Variants in CUL4A observed in about 807,000 individuals in gnomAD.
CUL4A encodes the protein cullin 4A, also known as cullin-4A.
A neutral mutation model predicts 95.5 loss-of-function variants in CUL4A; 16 were observed. That is an observed-to-expected ratio of 0.17 (90% CI 0.11 to 0.25). CUL4A has a LOEUF of 0.25. Among genes scored for constraint, CUL4A ranks in the 10% least tolerant of loss-of-function variants. The pLI is 1.00. For synonymous variants in CUL4A, 380 were observed against 353.1 expected, an observed-to-expected ratio of 1.08 and a Z score of -0.85; for missense variants, 610 against 937.0, an observed-to-expected ratio of 0.65 and a Z score of 4.56.
chr13:113,219,169 C>T, intron 3 of CUL4A, 121 bp downstream of exon 3: 1 of 556,324 alleles, frequency 1.8e-6, no homozygotes, highest in Non-Finnish European at 3.0e-6. Flanking sequence ...TTAAAGTTCT[C>T]TTTTATTTGA....
At chr13:113,234,624 G>C (rs1350738199) in intron 7 of CUL4A, among the ~76,000 whole-genome samples, 1 of 152,160 alleles carries the variant, frequency 6.6e-6, no homozygotes, top group Admixed American at 6.5e-5. Flanking sequence ...GTACTTTGAG[G>C]TCTCCTGCAA....
intron 19 of CUL4A, among the ~76,000 whole-genome samples, chr13:113,261,533 C>T (rs1481219141): frequency 6.6e-6 from 1 of 152,202 alleles, no homozygotes; most frequent in Non-Finnish European, 1.5e-5. Context: ...GAGGTGCCGT[C>T]CTCAGGGCCC....
At chr13:113,208,653 A>G, upstream of CUL4A, 1 of 1,604,206 alleles carries the variant, frequency 6.2e-7, no homozygotes, top group African/African-American at 1.3e-5. Context: ...CGCCGAACGG[A>G]GAGCGCCACC....
rs115408998 is a variant in CUL4A, at chr13:113,214,662, G to A, written c.265-4283G>A. Among the ~76,000 whole-genome samples, 737 of 152,300 alleles carry A rather than the reference G, an allele frequency of 4.8e-3. 7 individuals are homozygous for A. Among genetic ancestry groups the A allele is most frequent in the African/African-American group, 0.017 (699 of 41,584 alleles). On this transcript the variant is annotated intron_variant, in intron 2 of 19. Coordinates refer to ENST00000375440, the MANE Select transcript of CUL4A (RefSeq NM_001008895.4). ...GCCATTGCACCCGGCTGACATGCAAGTTCTGAGGAAAGCCAGGCTGTCTTT... is the reference window on the plus strand; with the variant it reads ...GCCATTGCACCCGGCTGACATGCAAATTCTGAGGAAAGCCAGGCTGTCTTT...
intron 2 of CUL4A, among the ~76,000 whole-genome samples, chr13:113,218,414 G>A (rs1304078488): frequency 6.6e-6 from 1 of 152,178 alleles, no homozygotes; most frequent in Non-Finnish European, 1.5e-5. Flanking sequence ...CACTGCCCTG[G>A]GGAGTGTGAG....
rs951070829 is a variant in CUL4A, at chr13:113,256,926, G to GTTTTTTTTTTTTTTTTTTT, written c.2031+1806_2031+1824dup. 1.7e-4 allele frequency among the ~76,000 whole-genome samples: 8 copies of GTTTTTTTTTTTTTTTTTTT among 47,374 alleles called. 1 individual carries two copies. The highest frequency in any genetic ancestry group is 2.7e-4 in the African/African-American group (3 of 11,166). The allele number at this position is 47,374 out of a possible 152,430, so 31.1% of individuals were successfully genotyped here. A position where few individuals can be genotyped will look rare whatever the true frequency, so the allele number is the denominator to read the frequency against. ...AATGCTTTGTCCCTTTTTTTTTTTC[G>GTTTTTTTTTTTTTTTTTTT]TTTTTTTTTTTTTTTTTTTTTTTGC... On this transcript the variant is annotated intron_variant, in intron 18 of 19. Coordinates refer to ENST00000375440, the MANE Select transcript of CUL4A (RefSeq NM_001008895.4).
upstream of CUL4A, chr13:113,208,636 G>T (rs1566999117): frequency 6.2e-7 from 1 of 1,607,446 alleles, no homozygotes; most frequent in Admixed American, 1.7e-5. Flanking sequence ...GTGCGCCATG[G>T]GAGCGCCGCC....
At chr13:113,259,760 G>A (rs1184697057) in intron 18 of CUL4A, among the ~76,000 whole-genome samples, 3 of 152,112 alleles carry the variant, frequency 2.0e-5, no homozygotes, top group African/African-American at 7.2e-5. Context: ...TAGAGTTGTT[G>A]CAGCTTTCTT....
At position 113,245,172 on chromosome 13, in the gene CUL4A, A is replaced by G. The variant is rs1244999605; in HGVS notation, c.1465A>G (p.Ser489Gly). The G allele has an allele frequency of 1.9e-6, 3 of 1,614,056 alleles. No homozygotes were observed. Among genetic ancestry groups the G allele is most frequent in the East Asian group, 2.2e-5 (1 of 44,892 alleles). ...TCCAGAGTGCGGTGCAGCCTTCACCAGCAAGCTGGAAGGCATGTTCAAGGA... is the reference window on the plus strand; with the variant it reads ...TCCAGAGTGCGGTGCAGCCTTCACCGGCAAGCTGGAAGGCATGTTCAAGGA... ...LKHECGAAFTSKLEGMFKDME... is the reference protein window; with the variant it reads ...LKHECGAAFTGKLEGMFKDME... Residue 489 changes from serine (S) to glycine (G), a missense_variant, in exon 14 of 20, where the codon AGC (serine) becomes GGC (glycine). Physicochemically the swap from Ser to Gly is moderately conservative, Grantham distance 56. Transcript: ENST00000375440.
chr13:113,260,206 A>AAAAAAAAAAAAAAAAAAAAAAAAC, intron 18 of CUL4A, among the ~76,000 whole-genome samples: 1 of 100,314 alleles, frequency 1.0e-5, no homozygotes, highest in African/African-American at 5.3e-5. Context: ...TCCGTCTCAA[A>AAAAAAAAAAAAAAAAAAAAAAAAC]AAAAAAAAAA....
chr13:113,228,188 G>A (rs2041176603), intron 4 of CUL4A, 143 bp downstream of exon 4: 2 of 666,828 alleles, frequency 3.0e-6, no homozygotes, highest in East Asian at 2.8e-5. Flanking sequence ...AGAAAAGCAG[G>A]GAAGGTGAAC....
Position 113,233,937 on chromosome 13 carries a change from C to T in CUL4A, c.716C>T (p.Thr239Ile). ...TTTGAACTGAAATTTTTGGAAGAGA[C>T]TAATTGCTTATATGCTGCCGAAGGC... ...DSFELKFLEE[T>I]NCLYAAEGQR... The change falls in exon 7 of 20, where the codon ACT becomes ATT. Residue 239 changes from threonine to isoleucine, a missense_variant. By Grantham distance (89) the Thr-to-Ile change is moderately conservative. This residue lies in a region of CUL4A where 97 missense variants were observed against 100.3 expected (regional missense o/e 0.97). Transcript: ENST00000375440. 6.2e-7 allele frequency: 1 copy of T among 1,611,686 alleles called. No individual in the cohort carries two copies. The highest frequency in any genetic ancestry group is 1.1e-5 in the South Asian group (1 of 90,968).
In CUL4A at chr13:113,239,467, G is replaced by A. The variant is rs367759224; in HGVS notation, c.951G>A (p.Pro317=). The change falls in exon 10 of 20, where the codon CCG becomes CCA. Residue 317 remains proline, a synonymous_variant. Coordinates refer to ENST00000375440, the MANE Select transcript of CUL4A (RefSeq NM_001008895.4). ...LDHLLDENRV[P]DLAQMYQLFS... ...ACTTACTGGATGAGAACAGAGTGCCGGACCTCGCACAGATGTACCAGCTGT... is the reference window on the plus strand; with the variant it reads ...ACTTACTGGATGAGAACAGAGTGCCAGACCTCGCACAGATGTACCAGCTGT... 78 of 1,613,816 alleles carry A rather than the reference G, an allele frequency of 4.8e-5. 1 individual carries two copies. The East Asian group carries it at 9.1e-4, about 19-fold the overall frequency.
intron 3 of CUL4A, among the ~76,000 whole-genome samples, chr13:113,224,831 G>A (rs1347533784): frequency 6.6e-6 from 1 of 152,196 alleles, no homozygotes; most frequent in Non-Finnish European, 1.5e-5. Context: ...CCAGATCAGA[G>A]GAGACAAAAC....
At chr13:113,256,063 A>G (rs1274591173) in intron 18 of CUL4A, among the ~76,000 whole-genome samples, 1 of 152,076 alleles carries the variant, frequency 6.6e-6, no homozygotes, top group African/African-American at 2.4e-5. Flanking sequence ...AGCCAGGCAC[A>G]GTGACATGCA....
chr13:113,221,300 G>A (rs893394180), intron 3 of CUL4A, among the ~76,000 whole-genome samples: 3 of 152,212 alleles, frequency 2.0e-5, no homozygotes, highest in Admixed American at 6.5e-5. Flanking sequence ...TTTTAAGCAA[G>A]AAACCAGAAT....
upstream of CUL4A, among the ~76,000 whole-genome samples, chr13:113,209,200 G>A (rs982179921): frequency 4.0e-5 from 6 of 149,620 alleles, no homozygotes; most frequent in African/African-American, 1.5e-4. Flanking sequence ...CCCTCAGGAG[G>A]CGCGCGCCCC....
chr13:113,232,156 TGCC>T (rs2041356390), intron 5 of CUL4A, among the ~76,000 whole-genome samples: 1 of 51,242 alleles, frequency 2.0e-5, no homozygotes, highest in African/African-American at 8.4e-5. Flanking sequence ...CCATTACTGC[TGCC>T]ACCACTACCC....
chr13:113,244,664 AC>A (rs1350021362), intron 12 of CUL4A, 150 bp downstream of exon 12: 3 of 676,826 alleles, frequency 4.4e-6, no homozygotes, highest in Admixed American at 5.8e-5. Context: ...ACATGGTGAA[AC>A]CCCGTCTCTA....
Sources: allele counts gnomAD v4.1 joint callset (sites outside exome capture counted in the v4.1 genomes callset), GRCh38; gene constraint gnomAD v4.1.1; regional missense constraint gnomAD v4.1.1; transcripts MANE v1.5; gene names NCBI Gene and HGNC (gene_info 2026-07-23, HGNC 2026-07-21).